The following AGBL1 variants were observed in gnomAD, a reference collection of about 807,000 sequenced individuals.
The protein encoded by AGBL1 is AGBL carboxypeptidase 1.
Under a neutral mutation model 118.9 loss-of-function variants are expected in AGBL1, and 130 were observed. The observed-to-expected ratio is 1.09, with a 90% confidence interval of 0.95 to 1.26. The LOEUF (loss-of-function observed/expected upper bound fraction) is 1.26, where lower values mean the gene tolerates loss of function less well. AGBL1 is among the 50% of genes most tolerant of loss of function. AGBL1 has a pLI of 0.00. For synonymous variants in AGBL1, 555 were observed against 478.9 expected (o/e 1.16, Z -2.08); for missense variants, 1,584 against 1,298.1 (o/e 1.22, Z -3.38).
intron 1 of AGBL1, among the ~76,000 whole-genome samples, chr15:86,104,789 T>A (rs1254340235): frequency 1.3e-5 from 2 of 152,152 alleles, no homozygotes; most frequent in Non-Finnish European, 2.9e-5. Context: ...TCTTAGGACT[T>A]GTGGGGGTGG....
At chr15:86,157,974 A>G (rs1420938910) in intron 4 of AGBL1, among the ~76,000 whole-genome samples, 1 of 152,058 alleles carries the variant, frequency 6.6e-6, no homozygotes, top group Non-Finnish European at 1.5e-5. Context: ...CTCCTCCCTT[A>G]CTCAATACCA....
chr15:86,527,838 C>T (rs2083287787), intron 19 of AGBL1, among the ~76,000 whole-genome samples: 1 of 152,174 alleles, frequency 6.6e-6, no homozygotes, highest in Admixed American at 6.5e-5. Flanking sequence ...AAATACCAGA[C>T]AAGTCATTCA....
At position 86,408,525 on chromosome 15, in the gene AGBL1, T is replaced by A. The variant is rs551850925; in HGVS notation, c.2555+10979T>A. Among the ~76,000 whole-genome samples the A allele has an allele frequency of 2.0e-5, 3 of 152,360 alleles. No homozygotes were observed. The South Asian group carries it at 6.2e-4, about 32-fold the overall frequency. ...ACAAAGGAGCTTAAACTTGCAATCA[T>A]GTTTAATTCCTGAGTTTCATTCGTC... On this transcript the variant is annotated intron_variant, in intron 18 of 22. Transcript: ENST00000614907.
intron 18 of AGBL1, among the ~76,000 whole-genome samples, chr15:86,459,657 C>T (rs1272643805): frequency 6.6e-6 from 1 of 152,090 alleles, no homozygotes; most frequent in African/African-American, 2.4e-5. Context: ...CCACACAATA[C>T]ATGGTTATCT....
At chr15:86,789,273 C>G (rs1162056227) in intron 22 of AGBL1, among the ~76,000 whole-genome samples, 2 of 152,190 alleles carry the variant, frequency 1.3e-5, no homozygotes, top group Non-Finnish European at 2.9e-5. Context: ...CATCATGCAA[C>G]AATGAAATAT....
chr15:86,816,202 T>A (rs369305883), intron 22 of AGBL1, among the ~76,000 whole-genome samples: 6 of 152,136 alleles, frequency 3.9e-5, no homozygotes, highest in East Asian at 3.9e-4. Flanking sequence ...GGACAAAATG[T>A]ATAGTAGCAA....
intron 22 of AGBL1, among the ~76,000 whole-genome samples, chr15:86,824,810 C>G (rs1049584778): frequency 2.0e-5 from 3 of 152,070 alleles, no homozygotes; most frequent in African/African-American, 7.2e-5. Context: ...AAAATCCCAG[C>G]ACTTTGGGAG....
chr15:86,789,011 C>T (rs1426937311), intron 22 of AGBL1, among the ~76,000 whole-genome samples: 1 of 152,190 alleles, frequency 6.6e-6, no homozygotes, highest in Non-Finnish European at 1.5e-5. Flanking sequence ...GAGTAGATCA[C>T]ACTGCAAAAT....
In AGBL1 at chr15:86,428,570, T is replaced by G. The variant is rs180746356; in HGVS notation, c.2555+31024T>G. 3.3e-3 allele frequency among the ~76,000 whole-genome samples: 510 copies of G among 152,326 alleles called. 3 individuals carry two copies. Among genetic ancestry groups the G allele is most frequent in the African/African-American group, 0.012 (485 of 41,572 alleles). On this transcript the variant is annotated intron_variant, in intron 18 of 22. Transcript: ENST00000614907. ...GTGTTTTTCATATGTCTTTGTTATT[T>G]TATGAGTTGATTTGAGTTCTACCTC...
chr15:86,886,930 G>GTAA (rs772631322), intron 22 of AGBL1, among the ~76,000 whole-genome samples: 3 of 152,146 alleles, frequency 2.0e-5, no homozygotes, highest in African/African-American at 4.8e-5. Flanking sequence ...CGCCAAGTGT[G>GTAA]TAATACCAAG....
intron 18 of AGBL1, among the ~76,000 whole-genome samples, chr15:86,402,306 G>A (rs2081460595): frequency 6.6e-6 from 1 of 151,938 alleles, no homozygotes; most frequent in Non-Finnish European, 1.5e-5. Context: ...CATTGATTTT[G>A]TATCCTGAAA....
At chr15:86,251,749 T>C (rs752678932) in intron 7 of AGBL1, among the ~76,000 whole-genome samples, 1 of 151,722 alleles carries the variant, frequency 6.6e-6, no homozygotes, top group Non-Finnish European at 1.5e-5. Context: ...CTGTGTAATG[T>C]AGTATAATGG....
intron 21 of AGBL1, among the ~76,000 whole-genome samples, chr15:86,562,710 A>G (rs977613083): frequency 3.9e-5 from 6 of 152,198 alleles, no homozygotes; most frequent in Admixed American, 3.9e-4. Context: ...ATAGTTTCAG[A>G]AGGAATGGTA....
At chr15:86,279,121 A>C (rs2079305680) in intron 15 of AGBL1, among the ~76,000 whole-genome samples, 1 of 152,234 alleles carries the variant, frequency 6.6e-6, no homozygotes, top group Non-Finnish European at 1.5e-5. Context: ...CTGCAATAAT[A>C]ACATAAGATG....
chr15:86,396,225 A>ATGTGTGTG (rs1193757610), intron 17 of AGBL1, among the ~76,000 whole-genome samples: 30 of 128,172 alleles, frequency 2.3e-4, no homozygotes, highest in African/African-American at 9.1e-4. Flanking sequence ...GTGTATATAT[A>ATGTGTGTG]TGTGTGTGTG....
chr15:86,257,656 T>G (rs2078918167), intron 8 of AGBL1, among the ~76,000 whole-genome samples: 1 of 152,220 alleles, frequency 6.6e-6, no homozygotes, highest in Non-Finnish European at 1.5e-5. Context: ...CTACACTAGT[T>G]GCATAAATAC....
At chr15:86,460,525 A>ACAG (rs1220143440) in intron 18 of AGBL1, among the ~76,000 whole-genome samples, 1 of 151,018 alleles carries the variant, frequency 6.6e-6, no homozygotes, top group African/African-American at 2.4e-5. Context: ...ACAAACAATA[A>ACAG]CAACAACAAC....
At chr15:86,790,715 C>G (rs893864902) in intron 22 of AGBL1, among the ~76,000 whole-genome samples, 1 of 151,976 alleles carries the variant, frequency 6.6e-6, no homozygotes, top group Non-Finnish European at 1.5e-5. Context: ...CAGGACTGCT[C>G]CCTCTTCATC....
At chr15:86,559,321 G>C (rs1369099408) in intron 21 of AGBL1, among the ~76,000 whole-genome samples, 1 of 152,032 alleles carries the variant, frequency 6.6e-6, no homozygotes, top group Non-Finnish European at 1.5e-5. Context: ...TAATAAACTG[G>C]GTCACACAAG....
Sources: allele counts gnomAD v4.1 joint callset (sites outside exome capture counted in the v4.1 genomes callset), GRCh38; gene constraint gnomAD v4.1.1; transcripts MANE v1.5; gene names NCBI Gene and HGNC (gene_info 2026-07-23, HGNC 2026-07-21).